DIS3L2: variants seen among roughly 807,000 people sequenced by gnomAD.
DIS3L2 encodes DIS3-like exonuclease 2.
Under a neutral mutation model 97.5 loss-of-function variants are expected in DIS3L2, and 34 were observed. The ratio of observed to expected loss-of-function variants is 0.35; its 90% CI spans 0.27 to 0.46. The LOEUF is 0.46. DIS3L2 is among the 20% of genes least tolerant of loss of function. The pLI is 1.00. For missense variants in DIS3L2, 1,038 were observed against 1,146.0 expected, an observed-to-expected ratio of 0.91 and a Z score of 1.36; for synonymous variants, 435 against 445.2, an observed-to-expected ratio of 0.98 and a Z score of 0.29.
At chr2:232,156,441 T>C (rs12053375) in intron 8 of DIS3L2, among the ~76,000 whole-genome samples, 1,809 of 152,200 alleles carry the variant, frequency 0.012, 16 homozygotes, top group Non-Finnish European at 0.018. Flanking sequence ...TAGAGATTGT[T>C]TTGTCCTTCT....
chr2:232,200,038 C>G (rs1691848589), intron 9 of DIS3L2, among the ~76,000 whole-genome samples: 2 of 152,090 alleles, frequency 1.3e-5, no homozygotes, highest in African/African-American at 4.8e-5. Flanking sequence ...GATAAACCAC[C>G]AAAGAAATCA....
At chr2:232,128,811 A>AT (rs1698141694) in intron 6 of DIS3L2, among the ~76,000 whole-genome samples, 1 of 152,070 alleles carries the variant, frequency 6.6e-6, no homozygotes, top group South Asian at 2.1e-4. Context: ...TATTAAGGTG[A>AT]TTCACCTTTT....
rs577337201 is a variant in DIS3L2, at chr2:231,994,686, C to CTA, written c.-93-20146_-93-20145dup. Among the ~76,000 whole-genome samples the CTA allele has an allele frequency of 2.3e-4, 35 of 152,230 alleles. No homozygotes were observed. In the East Asian group the frequency reaches 6.6e-3, roughly 29 times the overall value. The stretch of plus-strand genomic sequence containing the variant: ...GAAAGTCTAGTACTAGTACACTTAA[C>CTA]TATAAAGTTACTCTCCAACATTAGT... On this transcript the variant is annotated intron_variant, in intron 1 of 20. Coordinates refer to ENST00000325385, the MANE Select transcript of DIS3L2 (RefSeq NM_152383.5).
At chr2:231,977,868 G>GT (rs1182676955) in intron 1 of DIS3L2, among the ~76,000 whole-genome samples, 2 of 152,170 alleles carry the variant, frequency 1.3e-5, no homozygotes, top group Non-Finnish European at 2.9e-5. Context: ...TGTTACACAT[G>GT]TTTTTTGTTT....
intron 1 of DIS3L2, among the ~76,000 whole-genome samples, chr2:232,009,510 G>C (rs1694139382): frequency 6.6e-6 from 1 of 152,078 alleles, no homozygotes; most frequent in Non-Finnish European, 1.5e-5. Flanking sequence ...TGCCTCCTGG[G>C]TCAGCGTATC....
At chr2:232,341,098 T>C (rs1183268930), downstream of DIS3L2, 3 of 371,378 alleles carry the variant, frequency 8.1e-6, no homozygotes, top group Admixed American at 1.1e-4. Context: ...GCCACTAGAG[T>C]AAAAACACTG....
intron 1 of DIS3L2, among the ~76,000 whole-genome samples, chr2:232,004,262 G>A (rs2880326): frequency 0.94 from 142,648 of 152,216 alleles, 66,933 homozygotes; most frequent in East Asian, 1. Context: ...TGGTAAAGAC[G>A]GGGTTTCACC....
At chr2:232,336,259 C>G (rs1695942450) in intron 20 of DIS3L2, 1 of 1,544,372 alleles carries the variant, frequency 6.5e-7, no homozygotes, top group Admixed American at 2.0e-5. Context: ...GTTTCATAAG[C>G]CTTGGGAGCG....
At chr2:232,063,163 C>G (rs1029659338) in intron 5 of DIS3L2, among the ~76,000 whole-genome samples, 1 of 152,178 alleles carries the variant, frequency 6.6e-6, no homozygotes, top group Admixed American at 6.6e-5. Flanking sequence ...CCTCCCCATC[C>G]CCATTGCACC....
intron 5 of DIS3L2, among the ~76,000 whole-genome samples, chr2:232,068,755 AT>A (rs1258327922): frequency 1.3e-5 from 2 of 151,854 alleles, no homozygotes; most frequent in South Asian, 4.2e-4. Flanking sequence ...TTGTCCTGAA[AT>A]TTTTTTTATT....
rs1262874004 is a variant in DIS3L2 at position 232,276,700 on chromosome 2, A to G, written c.1659+13260A>G. 6.6e-6 allele frequency among the ~76,000 whole-genome samples: 1 copy of G among 152,146 alleles called. No homozygotes were observed. The highest frequency in any genetic ancestry group is 2.4e-5 in the African/African-American group (1 of 41,430). Reference sequence around the variant, plus strand: ...GAGAATGTAGTGATCAAGAGCATGGACCCTGGGTCAGACTGCCTGGGTTCT... The same window carrying G: ...GAGAATGTAGTGATCAAGAGCATGGGCCCTGGGTCAGACTGCCTGGGTTCT... On this transcript the variant is annotated intron_variant, in intron 13 of 20. Transcript: ENST00000325385. The surrounding 1 kb of genome is among the most constrained non-coding windows in gnomAD (Gnocchi z 4.4).
intron 5 of DIS3L2, among the ~76,000 whole-genome samples, chr2:232,068,096 A>G (rs755708266): frequency 7.2e-5 from 11 of 152,196 alleles, no homozygotes; most frequent in Non-Finnish European, 1.5e-4. Flanking sequence ...AAAGAAGTGA[A>G]TCACTTCATC....
intron 3 of DIS3L2, among the ~76,000 whole-genome samples, chr2:232,020,467 C>T (rs1424276963): frequency 6.6e-6 from 1 of 152,066 alleles, no homozygotes; most frequent in Non-Finnish European, 1.5e-5. Flanking sequence ...GAAGGTGAGG[C>T]AGAGGGAGGC....
At chr2:232,335,718 A>C in intron 19 of DIS3L2, 55 bp from the exon 20 acceptor site, 1 of 1,533,582 alleles carries the variant, frequency 6.5e-7, no homozygotes, top group Non-Finnish European at 8.8e-7. Context: ...CCAGGGTGGA[A>C]GGGCAGGCAG....
intron 9 of DIS3L2, among the ~76,000 whole-genome samples, chr2:232,167,421 T>C (rs1690857051): frequency 6.6e-6 from 1 of 152,200 alleles, no homozygotes; most frequent in African/African-American, 2.4e-5. Context: ...TGAATAATAT[T>C]CTTTATTTAT....
intron 1 of DIS3L2, among the ~76,000 whole-genome samples, chr2:231,985,796 A>G (rs1693394866): frequency 6.6e-6 from 1 of 152,164 alleles, no homozygotes; most frequent in African/African-American, 2.4e-5. Context: ...GTGATGGTTA[A>G]TATTAGGTGT....
chr2:232,025,301 T>A (rs1574820611), intron 4 of DIS3L2, among the ~76,000 whole-genome samples: 1 of 152,168 alleles, frequency 6.6e-6, no homozygotes, highest in Non-Finnish European at 1.5e-5. Context: ...CCAGTGAGCA[T>A]TTCCTTTGAA....
intron 9 of DIS3L2, among the ~76,000 whole-genome samples, chr2:232,206,433 G>C (rs1692027317): frequency 1.3e-5 from 2 of 152,242 alleles, no homozygotes; most frequent in South Asian, 4.1e-4. Context: ...CACTGCCATT[G>C]TATAGAAAAA....
intron 5 of DIS3L2, among the ~76,000 whole-genome samples, chr2:232,045,744 G>A (rs562180665): frequency 6.4e-5 from 9 of 139,708 alleles, no homozygotes; most frequent in South Asian, 2.2e-4. Context: ...GTGCGATCTC[G>A]GCTCACTGCA....
Sources: gnomAD v4.1 joint callset for allele counts (sites outside exome capture counted in the v4.1 genomes callset) on GRCh38, gnomAD v4.1.1 for gene constraint, Gnocchi (gnomAD v3.1) non-coding constraint, MANE v1.5 for transcripts, NCBI Gene and HGNC (gene_info 2026-07-23, HGNC 2026-07-21) for gene names.